CHN2: variants seen among roughly 807,000 people sequenced by gnomAD.
The protein encoded by CHN2 is beta-chimaerin.
In CHN2, 35 loss-of-function variants were observed where a neutral mutation model predicts 56.3. That is an observed-to-expected ratio of 0.62 (90% CI 0.47 to 0.82). The LOEUF is 0.82. CHN2 is among the 40% of genes least tolerant of loss of function. The pLI is 0.00. For synonymous variants in CHN2, 210 were observed against 212.8 expected (o/e 0.99, Z 0.12); for missense variants, 491 against 580.5 (o/e 0.85, Z 1.58).
chr7:29,259,970 T>C (rs568020592), intron 1 of CHN2, among the ~76,000 whole-genome samples: 1 of 152,176 alleles, frequency 6.6e-6, no homozygotes, highest in South Asian at 2.1e-4. Context: ...TCTATGTAGA[T>C]TCTTCTATCT....
At chr7:29,371,170 A>G (rs1000870818) in intron 3 of CHN2, among the ~76,000 whole-genome samples, 31 of 152,200 alleles carry the variant, frequency 2.0e-4, no homozygotes, top group Non-Finnish European at 7.3e-5. Context: ...GTCATTAAGG[A>G]CAGAGTCGAA....
chr7:29,442,934 C>CTTTTTTTTTTTCTTTTTTTTTTTTTT (rs564931650), intron 6 of CHN2, among the ~76,000 whole-genome samples: 23 of 103,066 alleles, frequency 2.2e-4, no homozygotes, highest in East Asian at 1.1e-3. Context: ...CATTGAATTT[C>CTTTTTTTTTTTCTTTTTTTTTTTTTT]TTTTTTTTTT....
At chr7:29,303,722 C>T (rs1462101976) in intron 1 of CHN2, among the ~76,000 whole-genome samples, 1 of 152,290 alleles carries the variant, frequency 6.6e-6, no homozygotes, top group East Asian at 1.9e-4. Context: ...GAAGATAATC[C>T]ATTTCTTAGT....
chr7:29,506,614 G>A (rs1402353804), intron 10 of CHN2, among the ~76,000 whole-genome samples: 1 of 152,146 alleles, frequency 6.6e-6, no homozygotes, highest in Admixed American at 6.6e-5. Context: ...TCCAGCCTGG[G>A]CTACAGAGTG....
chr7:29,303,041 A>G (rs1323156040), intron 1 of CHN2, among the ~76,000 whole-genome samples: 2 of 152,122 alleles, frequency 1.3e-5, no homozygotes, highest in Non-Finnish European at 2.9e-5. Flanking sequence ...AGGTCCATCT[A>G]GGTTCCAGGG....
intron 1 of CHN2, among the ~76,000 whole-genome samples, chr7:29,342,311 C>T (rs1797102593): frequency 6.6e-6 from 1 of 152,180 alleles, no homozygotes; most frequent in Non-Finnish European, 1.5e-5. Flanking sequence ...AGGGGACTAT[C>T]CCAGAATCTG....
chr7:29,164,924 A>G (rs1293854442), intron 2 of CHN2, among the ~76,000 whole-genome samples: 5 of 152,166 alleles, frequency 3.3e-5, no homozygotes. Flanking sequence ...CATTATGATA[A>G]TACCACACTG....
intron 2 of CHN2, among the ~76,000 whole-genome samples, chr7:29,183,676 C>G (rs1430874855): frequency 6.6e-6 from 1 of 151,894 alleles, no homozygotes; most frequent in South Asian, 2.1e-4. Context: ...CACACCTGGC[C>G]CAGAATTTTT....
At chr7:29,154,040 T>C (rs1390629799) in intron 2 of CHN2, among the ~76,000 whole-genome samples, 1 of 152,218 alleles carries the variant, frequency 6.6e-6, no homozygotes, top group Non-Finnish European at 1.5e-5. Flanking sequence ...AAAAGTTATA[T>C]GTGCATTTTT....
At chr7:29,483,725 A>C in intron 7 of CHN2, 1 of 695,898 alleles carries the variant, frequency 1.4e-6, no homozygotes, top group Non-Finnish European at 1.9e-6. Context: ...CCACCCTAAT[A>C]ATACCTTATG....
At chr7:29,164,087 C>G (rs542214215) in intron 2 of CHN2, among the ~76,000 whole-genome samples, 1 of 152,280 alleles carries the variant, frequency 6.6e-6, no homozygotes, top group South Asian at 2.1e-4. Context: ...TAAAATTGTT[C>G]TCAAAAGTGT....
Position 29,222,267 on chromosome 7 carries a change from G to A in CHN2, c.49+27277G>A, listed in dbSNP as rs192543722. Reference sequence around the variant, plus strand: ...CTCATGGATAGCAAGAATCAATATCGTGAAAATGACCATACTGCCCAAAGT... The same window carrying A: ...CTCATGGATAGCAAGAATCAATATCATGAAAATGACCATACTGCCCAAAGT... On this transcript the variant is annotated intron_variant, in intron 1 of 12. Coordinates refer to ENST00000222792, the MANE Select transcript of CHN2 (RefSeq NM_004067.4). 1.6e-3 allele frequency among the ~76,000 whole-genome samples: 245 copies of A among 152,266 alleles called. 1 individual carries two copies. Among genetic ancestry groups the A allele is most frequent in the African/African-American group, 5.4e-3 (224 of 41,550 alleles).
upstream of CHN2, chr7:29,194,667 G>A: frequency 2.9e-6 from 1 of 346,684 alleles, no homozygotes; most frequent in South Asian, 1.2e-4. Flanking sequence ...GCTGCCCCTC[G>A]GCCTCCCTCT....
At chr7:29,201,770 G>A (rs1784182564) in intron 1 of CHN2, among the ~76,000 whole-genome samples, 1 of 152,180 alleles carries the variant, frequency 6.6e-6, no homozygotes, top group South Asian at 2.1e-4. Flanking sequence ...AATTCTCTAA[G>A]ACAGAGACAA....
At chr7:29,485,620 A>G (rs1215174401) in intron 7 of CHN2, among the ~76,000 whole-genome samples, 1 of 152,210 alleles carries the variant, frequency 6.6e-6, no homozygotes, top group East Asian at 1.9e-4. Context: ...GGAAAGAAAG[A>G]GCACCCGGGC....
intron 1 of CHN2, chr7:29,197,920 A>G: frequency 4.4e-6 from 2 of 456,242 alleles, no homozygotes; most frequent in East Asian, 1.4e-4. Context: ...ATTTTTCCGG[A>G]AAACAAATGG....
At chr7:29,169,513 G>A (rs1458559620) in intron 2 of CHN2, among the ~76,000 whole-genome samples, 1 of 152,046 alleles carries the variant, frequency 6.6e-6, no homozygotes, top group African/African-American at 2.4e-5. Flanking sequence ...TTTTGTTATT[G>A]TTATATTATC....
chr7:29,147,956 A>G (rs1423169866), intron 2 of CHN2, among the ~76,000 whole-genome samples: 1 of 152,194 alleles, frequency 6.6e-6, no homozygotes. Context: ...GGCGATTTCC[A>G]GTTCCTGGTT....
At chr7:29,247,832 T>C (rs39095) in intron 1 of CHN2, among the ~76,000 whole-genome samples, 113,766 of 152,186 alleles carry the variant, frequency 0.75, 43,014 homozygotes, top group East Asian at 0.93. Flanking sequence ...ACAACAATCA[T>C]GCAACCCCCA....
Sources: gnomAD v4.1 joint callset for allele counts (sites outside exome capture counted in the v4.1 genomes callset) on GRCh38, gnomAD v4.1.1 for gene constraint, MANE v1.5 for transcripts, NCBI Gene and HGNC (gene_info 2026-07-23, HGNC 2026-07-21) for gene names.